MRPL16: variants seen among roughly 807,000 people sequenced by gnomAD.
MRPL16 encodes mitochondrial ribosomal protein L16.
Under a neutral mutation model 22.7 loss-of-function variants are expected in MRPL16, and 17 were observed. That is an observed-to-expected ratio of 0.75 (90% CI 0.51 to 1.12). The LOEUF is 1.12. Among genes scored for constraint, MRPL16 ranks in the 50% most tolerant of loss-of-function variants. MRPL16 has a pLI of 0.00. For missense variants in MRPL16, 316 were observed against 328.7 expected (o/e 0.96, Z 0.30); for synonymous variants, 103 against 112.8 (o/e 0.91, Z 0.55).
At chr11:59,810,500 C>T in intron 1 of MRPL16, 104 bp downstream of exon 1, 2 of 1,560,010 alleles carry the variant, frequency 1.3e-6, no homozygotes, top group Non-Finnish European at 1.8e-6. Context: ...ACCAGTGCTT[C>T]ACCAAGCATA....
At chr11:59,807,593 A>C in intron 3 of MRPL16, 108 bp downstream of exon 3, 2 of 1,253,202 alleles carry the variant, frequency 1.6e-6, no homozygotes, top group Non-Finnish European at 1.1e-6. Context: ...AACTGGTGGC[A>C]GTTCTAATAA....
At position 59,807,868 on chromosome 11, in the gene MRPL16, A is replaced by C; in HGVS notation, c.122-19T>G. The C allele has an allele frequency of 1.3e-6, 2 of 1,593,420 alleles. No homozygotes were observed. The highest frequency in any genetic ancestry group is 1.7e-6 in the Non-Finnish European group (2 of 1,170,904). On this transcript the variant is annotated intron_variant, in intron 2 of 3. Coordinates refer to ENST00000300151, the MANE Select transcript of MRPL16 (RefSeq NM_017840.4). The stretch of plus-strand genomic sequence containing the variant: ...GAAACATCTAAAAGAAGCACAGACA[A>C]CCAGGATAAAGTAAAACTATACATC...
Position 59,810,670 on chromosome 11 carries a change from T to C in MRPL16, c.-12A>G, listed in dbSNP as rs376599713. 1.9e-6 allele frequency: 3 copies of C among 1,613,542 alleles called. No homozygotes were observed. In the African/African-American group the frequency reaches 4.0e-5, roughly 22 times the overall value. ...AGCAGCCTCCACATGGTCACGGGCG[T>C]CCGGCGGCGCGGAGCTCCCCCAGCG... On this transcript the variant is annotated 5_prime_UTR_variant, in exon 1 of 4. Coordinates refer to ENST00000300151, the MANE Select transcript of MRPL16 (RefSeq NM_017840.4).
rs146680546 is a variant in MRPL16 at position 59,806,653 on chromosome 11, G to A, written c.450C>T (p.Tyr150=). ...GGCGGCCAGCCTTCACAGGTGTCAC[G>A]TAGTGGTCAATAGCACCTTTGCCTC... ...MGGGKGAIDH[Y]VTPVKAGRLV... The change falls in exon 4 of 4, where the codon TAC becomes TAT. Residue 150 remains tyrosine (Y), a synonymous_variant. Coordinates refer to ENST00000300151, the MANE Select transcript of MRPL16 (RefSeq NM_017840.4). 24 of 1,614,110 alleles carry A rather than the reference G, an allele frequency of 1.5e-5. No homozygotes were observed. The highest frequency in any genetic ancestry group is 6.7e-5 in the Admixed American group (4 of 60,008).
chr11:59,807,216 C>G, intron 3 of MRPL16: 1 of 208,172 alleles, frequency 4.8e-6, no homozygotes, highest in Non-Finnish European at 9.8e-6. Flanking sequence ...GGAGAGTGGG[C>G]AGGAGGTTCT....
intron 1 of MRPL16, chr11:59,810,351 A>AT: frequency 7.4e-7 from 1 of 1,358,992 alleles, no homozygotes; most frequent in Non-Finnish European, 9.4e-7. Flanking sequence ...TGGGATGCGG[A>AT]TTCCACTAAA....
rs779815354 is a variant in MRPL16 at position 59,810,660 on chromosome 11, G to C, written c.-2C>G. ...AGCGCGAGCCAGCAGCCTCCACATG[G>C]TCACGGGCGTCCGGCGGCGCGGAGC... On this transcript the variant is annotated 5_prime_UTR_variant, in exon 1 of 4. Transcript: ENST00000300151. 6.2e-7 allele frequency: 1 copy of C among 1,613,944 alleles called. No homozygotes were observed. The highest frequency in any genetic ancestry group is 8.5e-7 in the Non-Finnish European group (1 of 1,179,894).
At chr11:59,809,671 C>T in intron 2 of MRPL16, 184 bp downstream of exon 2, 1 of 648,306 alleles carries the variant, frequency 1.5e-6, no homozygotes, top group Non-Finnish European at 2.6e-6. Context: ...TTTTGGTTTC[C>T]TTTGTCTTTG....
chr11:59,807,119 A>G, intron 3 of MRPL16: 1 of 378,674 alleles, frequency 2.6e-6, no homozygotes, highest in South Asian at 3.8e-5. Flanking sequence ...GCCAGGCATA[A>G]GAAAGGCTTA....
intron 2 of MRPL16, among the ~76,000 whole-genome samples, chr11:59,808,376 T>C (rs1413046976): frequency 6.6e-6 from 1 of 152,206 alleles, no homozygotes; most frequent in Non-Finnish European, 1.5e-5. Flanking sequence ...ATTTTAAACT[T>C]GTCAAAGTTT....
chr11:59,810,454 A>G (rs1866162343), intron 1 of MRPL16, 150 bp downstream of exon 1: 2 of 1,482,258 alleles, frequency 1.3e-6, no homozygotes, highest in Admixed American at 2.3e-5. Flanking sequence ...ACGAACCCCT[A>G]CGGTGGAGGT....
rs922233901 is a variant in MRPL16, at chr11:59,806,236, T to C, written c.*111A>G. ...TTTCAGAAATCTACTCAAATGCTGC[T>C]CCTTAGTTATGGCTTAAGAGCTACC... On this transcript the variant is annotated 3_prime_UTR_variant, in exon 4 of 4. Transcript: ENST00000300151. 8 of 1,154,320 alleles carry C rather than the reference T, an allele frequency of 6.9e-6. No individual in the cohort carries two copies. The East Asian group carries it at 1.7e-4, about 24-fold the overall frequency. 71.5% of individuals were successfully genotyped at this position (1,154,320 alleles called of 1,614,324 possible). A position where few individuals can be genotyped will look rare whatever the true frequency, so the allele number is the denominator to read the frequency against.
chr11:59,806,869 CT>C, intron 3 of MRPL16, 37 bp from the exon 4 acceptor site: 1 of 1,584,758 alleles, frequency 6.3e-7, no homozygotes. Flanking sequence ...CACATGCGGA[CT>C]TCGACATCAT....
intron 1 of MRPL16, chr11:59,810,355 C>CA: frequency 4.4e-6 from 6 of 1,374,458 alleles, no homozygotes; most frequent in Non-Finnish European, 5.6e-6. Flanking sequence ...ATGCGGATTC[C>CA]ACTAAATGGA....
At position 59,806,691 on chromosome 11, in the gene MRPL16, G is replaced by A. The variant is rs776128386; in HGVS notation, c.412C>T (p.His138Tyr). The A allele has an allele frequency of 6.2e-7, 1 of 1,614,176 alleles. No individual in the cohort carries two copies. The highest frequency in any genetic ancestry group is 1.1e-5 in the South Asian group (1 of 91,080). The change falls in exon 4 of 4, where the codon CAT becomes TAT. Residue 138 changes from histidine to tyrosine, a missense_variant. By Grantham distance (83) the His-to-Tyr change is moderately conservative. Transcript: ENST00000300151. Reference protein sequence around the residue: ...FKPITRKSVGHRMGGGKGAID... With the variant: ...FKPITRKSVGYRMGGGKGAID... ...GCACCTTTGCCTCCCCCCATGCGATGCCCAACACTTTTGCGAGTGATGGGC... is the reference window on the plus strand; with the variant it reads ...GCACCTTTGCCTCCCCCCATGCGATACCCAACACTTTTGCGAGTGATGGGC...
Position 59,806,250 on chromosome 11 carries a change from T to C in MRPL16, c.*97A>G, listed in dbSNP as rs1866084371. On this transcript the variant is annotated 3_prime_UTR_variant, in exon 4 of 4. Coordinates refer to ENST00000300151, the MANE Select transcript of MRPL16 (RefSeq NM_017840.4). ...TCAAATGCTGCTCCTTAGTTATGGC[T>C]TAAGAGCTACCCAAAGACTTCAGTG... 7.1e-7 allele frequency: 1 copy of C among 1,398,904 alleles called. No individual in the cohort carries two copies. The highest frequency in any genetic ancestry group is 9.8e-7 in the Non-Finnish European group (1 of 1,025,214). 86.7% of individuals were successfully genotyped at this position (1,398,904 alleles called of 1,614,324 possible).
intron 3 of MRPL16, 155 bp downstream of exon 3, chr11:59,807,546 G>A: frequency 3.1e-6 from 2 of 643,786 alleles, no homozygotes; most frequent in Non-Finnish European, 4.9e-6. Context: ...TGTTTACTGG[G>A]TACCCAGTAG....
rs1866097108 is a variant in MRPL16 at position 59,806,597 on chromosome 11, A to G, written c.506T>C (p.Phe169Ser). 10 of 1,614,228 alleles carry G rather than the reference A, an allele frequency of 6.2e-6. No individual in the cohort carries two copies. The highest frequency in any genetic ancestry group is 7.6e-6 in the Non-Finnish European group (9 of 1,180,040). ...LVVEMGGRCE[F>S]EEVQGFLDQV... ...GTCAAGGAAACCTTGCACTTCTTCAAATTCACAACGCCCACCCATCTCTAC... is the reference window on the plus strand; with the variant it reads ...GTCAAGGAAACCTTGCACTTCTTCAGATTCACAACGCCCACCCATCTCTAC... The change falls in exon 4 of 4, where the codon TTT becomes TCT. Residue 169 changes from phenylalanine (F) to serine (S), a missense_variant. Transcript: ENST00000300151.
Position 59,810,638 on chromosome 11 carries a change from G to A in MRPL16, c.21C>T (p.Arg7=). 6.2e-7 allele frequency: 1 copy of A among 1,614,148 alleles called. No homozygotes were observed. The highest frequency in any genetic ancestry group is 8.5e-7 in the Non-Finnish European group (1 of 1,179,986). The change falls in exon 1 of 4, where the codon CGC becomes CGT. Residue 7 remains arginine, a synonymous_variant. Transcript: ENST00000300151. The part of the protein sequence containing the change: MWRLLA[R]ASAPLLRVPL... ...GCACCCGCAGGAGCGGCGCACTAGC[G>A]CGAGCCAGCAGCCTCCACATGGTCA...
Sources: gnomAD v4.1 joint callset for allele counts (sites outside exome capture counted in the v4.1 genomes callset) on GRCh38, gnomAD v4.1.1 for gene constraint, MANE v1.5 for transcripts, NCBI Gene and HGNC (gene_info 2026-07-23, HGNC 2026-07-21) for gene names.